The following SWAP70 variants were observed in gnomAD, a reference collection of about 807,000 sequenced individuals.
SWAP70 encodes the protein switch-associated protein 70.
Under a neutral mutation model 80.2 loss-of-function variants are expected in SWAP70, and 34 were observed. The ratio of observed to expected loss-of-function variants is 0.42; its 90% confidence interval spans 0.32 to 0.56. SWAP70 has a LOEUF of 0.56. SWAP70 is among the 20% of genes least tolerant of loss of function. SWAP70 has a pLI of 0.09. For synonymous variants in SWAP70, 239 were observed against 238.5 expected (o/e 1.00, Z -0.02); for missense variants, 578 against 690.7 (o/e 0.84, Z 1.83).
chr11:9,703,290 C>T (rs2572940), intron 2 of SWAP70: 38,713 of 445,204 alleles, frequency 0.087, 2,995 homozygotes, highest in African/African-American at 0.25. Context: ...AATAACATTC[C>T]GTTACGGATA....
intron 1 of SWAP70, among the ~76,000 whole-genome samples, chr11:9,670,683 G>T (rs889416982): frequency 6.6e-6 from 1 of 152,052 alleles, no homozygotes; most frequent in Non-Finnish European, 1.5e-5. Flanking sequence ...CTGGAGCTGA[G>T]GGAGAAAACT....
Position 9,705,580 on chromosome 11 carries a change from A to C in SWAP70, c.241-7886A>C, listed in dbSNP as rs1590027622. On this transcript the variant is annotated intron_variant, in intron 2 of 11. Transcript: ENST00000318950. The stretch of plus-strand genomic sequence containing the variant: ...ACTTTGTGATCTGTATGCACTGGTG[A>C]TCTGTGTACACTTGGTGATCTGTAT... Among the ~76,000 whole-genome samples, 3 of 143,468 alleles carry C rather than the reference A, an allele frequency of 2.1e-5. 1 individual carries two copies. The highest frequency in any genetic ancestry group is 8.5e-5 in the African/African-American group (3 of 35,136). 94.1% of individuals were successfully genotyped at this position (143,468 alleles called of 152,430 possible). A position where few individuals can be genotyped will look rare whatever the true frequency, so the allele number is the denominator to read the frequency against.
At chr11:9,738,530 G>A (rs571916273) in intron 8 of SWAP70, among the ~76,000 whole-genome samples, 1 of 152,228 alleles carries the variant, frequency 6.6e-6, no homozygotes, top group South Asian at 2.1e-4. Flanking sequence ...TGCCAAAGAT[G>A]TAATGGCAAA....
chr11:9,711,423 G>C (rs1480613109), intron 2 of SWAP70, among the ~76,000 whole-genome samples: 1 of 152,074 alleles, frequency 6.6e-6, no homozygotes, highest in East Asian at 1.9e-4. Flanking sequence ...CTGTCTGTCT[G>C]TCTAGCATCT....
At chr11:9,728,727 G>A (rs1002408726) in intron 5 of SWAP70, among the ~76,000 whole-genome samples, 1 of 152,108 alleles carries the variant, frequency 6.6e-6, no homozygotes, top group Non-Finnish European at 1.5e-5. Context: ...AACTGTCCCC[G>A]TGTCTGTATG....
In SWAP70 at chr11:9,738,379, C is replaced by T. The variant is rs1246585883; in HGVS notation, c.1188+59C>T. On this transcript the variant is annotated intron_variant, in intron 8 of 11. Transcript: ENST00000318950. ...GTAGCTCAGCCTGGGTCGGTGGGAACAGGGAAGGGCTGGAGGCTACAGTGA... is the reference window on the plus strand; with the variant it reads ...GTAGCTCAGCCTGGGTCGGTGGGAATAGGGAAGGGCTGGAGGCTACAGTGA... 4 of 1,305,710 alleles carry T rather than the reference C, an allele frequency of 3.1e-6. No homozygotes were observed. The South Asian group carries it at 5.9e-5, about 19-fold the overall frequency. The allele number at this position is 1,305,710 out of a possible 1,614,324, so 80.9% of individuals were successfully genotyped here.
chr11:9,683,590 G>C (rs906903772), intron 1 of SWAP70, among the ~76,000 whole-genome samples: 1 of 152,186 alleles, frequency 6.6e-6, no homozygotes, highest in African/African-American at 2.4e-5. Flanking sequence ...TTAAGACACT[G>C]TTAGGAATAC....
chr11:9,741,778 T>G (rs908456276), intron 9 of SWAP70: 1 of 151,816 alleles, frequency 6.6e-6, no homozygotes, highest in Admixed American at 6.6e-5. Context: ...AGCCAGTGGT[T>G]TTTTAACCAA....
In SWAP70 at chr11:9,685,612, A is replaced by G. The variant is rs553373252; in HGVS notation, c.100-8534A>G. On this transcript the variant is annotated intron_variant, in intron 1 of 11. Coordinates refer to ENST00000318950, the MANE Select transcript of SWAP70 (RefSeq NM_015055.4). ...TGCGAGAGTTCCGCTCTCTTGACTT[A>G]ATCACCACCTAAAGGCCTCACCTCT... 2.8e-3 allele frequency among the ~76,000 whole-genome samples: 417 copies of G among 150,966 alleles called. 4 individuals carry two copies. The highest frequency in any genetic ancestry group is 9.7e-3 in the African/African-American group (401 of 41,352).
In SWAP70 at chr11:9,750,728, T is replaced by C. The variant is rs1248097951; in HGVS notation, c.*758T>C. The C allele has an allele frequency of 2.0e-5, 3 of 152,284 alleles. No individual in the cohort carries two copies. Among genetic ancestry groups the C allele is most frequent in the Non-Finnish European group, 4.4e-5 (3 of 68,090 alleles). 9.4% of individuals were successfully genotyped at this position (152,284 alleles called of 1,614,324 possible). A position where few individuals can be genotyped will look rare whatever the true frequency, so the allele number is the denominator to read the frequency against. ...TCCGAGTATGTGCTGTTAAACTAGA[T>C]TGGCCGGTTCGCTTTCCATTTCCTG... On this transcript the variant is annotated 3_prime_UTR_variant, in exon 12 of 12. Coordinates refer to ENST00000318950, the MANE Select transcript of SWAP70 (RefSeq NM_015055.4).
At chr11:9,677,546 A>C (rs915425864) in intron 1 of SWAP70, among the ~76,000 whole-genome samples, 1 of 152,294 alleles carries the variant, frequency 6.6e-6, no homozygotes, top group Middle Eastern at 3.4e-3. Context: ...GATCAAAATG[A>C]AGCTTAAAAT....
intron 7 of SWAP70, among the ~76,000 whole-genome samples, chr11:9,736,175 A>G (rs1851360666): frequency 6.6e-6 from 1 of 151,904 alleles, no homozygotes; most frequent in African/African-American, 2.4e-5. Context: ...GGGACTTTTT[A>G]CTTCCAGAAT....
intron 1 of SWAP70, among the ~76,000 whole-genome samples, chr11:9,688,589 A>G (rs1005134712): frequency 1.3e-5 from 2 of 152,174 alleles, no homozygotes; most frequent in African/African-American, 4.8e-5. Context: ...ACTTAAATAT[A>G]CAACTCACAT....
intron 8 of SWAP70, among the ~76,000 whole-genome samples, chr11:9,738,678 G>A (rs1377178336): frequency 8.4e-6 from 1 of 119,634 alleles, no homozygotes; most frequent in Non-Finnish European, 1.7e-5. Flanking sequence ...ACCAGCCTGG[G>A]CAATATCTAC....
chr11:9,719,950 T>G (rs1851114737), intron 3 of SWAP70: 1 of 332,700 alleles, frequency 3.0e-6, no homozygotes, highest in Non-Finnish European at 4.3e-6. Context: ...AAAATAAATT[T>G]TGGAACTGAA....
At chr11:9,685,239 T>C (rs909567718) in intron 1 of SWAP70, among the ~76,000 whole-genome samples, 19 of 152,224 alleles carry the variant, frequency 1.2e-4, no homozygotes, top group African/African-American at 4.3e-4. Flanking sequence ...AAGCATGCTT[T>C]GTGGGTGGCT....
chr11:9,708,228 A>G (rs986563797), intron 2 of SWAP70, among the ~76,000 whole-genome samples: 2 of 152,190 alleles, frequency 1.3e-5, no homozygotes, highest in Admixed American at 1.3e-4. Flanking sequence ...ACTGTTTTCC[A>G]TAGCAGCTGC....
intron 10 of SWAP70, among the ~76,000 whole-genome samples, chr11:9,748,349 C>T (rs921522300): frequency 2.0e-5 from 3 of 152,288 alleles, no homozygotes; most frequent in East Asian, 1.9e-4. Context: ...GAACAGCAGA[C>T]GTAGGGAGCA....
chr11:9,664,117 G>A lies in SWAP70; in HGVS notation c.-63G>A. The A allele has an allele frequency of 1.4e-6, 2 of 1,475,276 alleles. No individual in the cohort carries two copies. Among genetic ancestry groups the A allele is most frequent in the Non-Finnish European group, 1.8e-6 (2 of 1,098,542 alleles). The allele number at this position is 1,475,276 out of a possible 1,614,324, so 91.4% of individuals were successfully genotyped here. ...GGGCTGTGGCTGCGGAGGTTGAGGG[G>A]CGTCCGAGGCGCGGAGGGGCTGGCT... On this transcript the variant is annotated 5_prime_UTR_variant, in exon 1 of 12. Transcript: ENST00000318950.
Sources: gnomAD v4.1 joint callset for allele counts (sites outside exome capture counted in the v4.1 genomes callset) on GRCh38, gnomAD v4.1.1 for gene constraint, MANE v1.5 for transcripts, NCBI Gene and HGNC (gene_info 2026-07-23, HGNC 2026-07-21) for gene names.